Variants in CSMD1 observed in about 807,000 individuals in gnomAD.
CSMD1 encodes the protein CUB and Sushi multiple domains 1.
Under a neutral mutation model 417.5 loss-of-function variants are expected in CSMD1, and 213 were observed. The ratio of observed to expected loss-of-function variants is 0.51; its 90% CI spans 0.46 to 0.57. CSMD1 has a LOEUF of 0.57. CSMD1 is among the 20% of genes least tolerant of loss of function. The pLI is 0.00. For synonymous variants in CSMD1, 2,862 were observed against 1,736.8 expected (o/e 1.65, Z -16.11); for missense variants, 6,923 against 4,529.7 (o/e 1.53, Z -15.17).
intron 5 of CSMD1, among the ~76,000 whole-genome samples, chr8:3,891,467 TA>T (rs1806968720): frequency 1.3e-5 from 2 of 152,176 alleles, no homozygotes; most frequent in Admixed American, 1.3e-4. Flanking sequence ...ATTTCCTGTA[TA>T]CAGGAGTTTG....
At chr8:4,847,910 T>C (rs915062099) in intron 1 of CSMD1, among the ~76,000 whole-genome samples, 14 of 152,224 alleles carry the variant, frequency 9.2e-5, no homozygotes, top group African/African-American at 3.1e-4. Flanking sequence ...AATATTTTCA[T>C]CACTGCAAAA....
intron 1 of CSMD1, among the ~76,000 whole-genome samples, chr8:4,761,068 C>T (rs1208767797): frequency 6.6e-6 from 1 of 151,928 alleles, no homozygotes; most frequent in Non-Finnish European, 1.5e-5. Context: ...TGATTATTAG[C>T]AGAAGTATGT....
At chr8:3,827,779 T>C (rs12682057) in intron 5 of CSMD1, among the ~76,000 whole-genome samples, 49,954 of 152,014 alleles carry the variant, frequency 0.33, 8,917 homozygotes, top group East Asian at 0.61. Flanking sequence ...GAAAAGACTA[T>C]CCTATAAATT....
At chr8:4,199,391 T>G (rs1799521685) in intron 3 of CSMD1, among the ~76,000 whole-genome samples, 1 of 151,966 alleles carries the variant, frequency 6.6e-6, no homozygotes, top group Non-Finnish European at 1.5e-5. Flanking sequence ...TGTGGTGGAG[T>G]GAAAAGAATG....
At chr8:4,072,164 G>C (rs1165954760) in intron 3 of CSMD1, among the ~76,000 whole-genome samples, 2 of 152,128 alleles carry the variant, frequency 1.3e-5, no homozygotes, top group East Asian at 1.9e-4. Flanking sequence ...CAACTTTCTA[G>C]TGCTACTAGT....
chr8:3,283,464 G>C (rs527477751), intron 26 of CSMD1, among the ~76,000 whole-genome samples: 8 of 151,724 alleles, frequency 5.3e-5, no homozygotes, highest in Non-Finnish European at 1.0e-4. Context: ...TAACTAAGTA[G>C]GTCCATTGCT....
rs73659185 is a variant in CSMD1, at chr8:4,659,100, C to T, written c.86-21542G>A. ...CACAAATACATACAAATAAAATAAC[C>T]GATTAAAAATGTAAGTACAAAAATG... On this transcript the variant is annotated intron_variant, in intron 1 of 69. Coordinates refer to ENST00000635120, the MANE Select transcript of CSMD1 (RefSeq NM_033225.6). 2.5e-3 allele frequency among the ~76,000 whole-genome samples: 378 copies of T among 151,746 alleles called. 2 individuals carry two copies. Among genetic ancestry groups the T allele is most frequent in the African/African-American group, 7.9e-3 (326 of 41,408 alleles).
Position 3,905,314 on chromosome 8 carries a change from C to G in CSMD1, c.818+92589G>C, listed in dbSNP as rs368843992. 3.3e-5 allele frequency among the ~76,000 whole-genome samples: 5 copies of G among 152,284 alleles called. No individual in the cohort carries two copies. The East Asian group carries it at 9.6e-4, about 29-fold the overall frequency. On this transcript the variant is annotated intron_variant, in intron 5 of 69. Transcript: ENST00000635120. ...TGAATAACTTAAAGAAGGTTAGTGA[C>G]AGGTACCTGATCTTAAATCCAACAT...
intron 63 of CSMD1, 69 bp downstream of exon 63, chr8:2,957,627 G>A (rs968776602): frequency 3.0e-6 from 3 of 1,014,410 alleles, no homozygotes; most frequent in African/African-American, 3.2e-5. Context: ...TTCCCTTAGT[G>A]GTAAACACGT....
chr8:4,359,456 C>G (rs190903234), intron 3 of CSMD1, among the ~76,000 whole-genome samples: 1 of 152,148 alleles, frequency 6.6e-6, no homozygotes, highest in African/African-American at 2.4e-5. Context: ...TAAAGCTAAG[C>G]CATTCTTTAA....
chr8:3,666,393 A>C (rs1028150109), intron 7 of CSMD1, among the ~76,000 whole-genome samples: 4 of 152,360 alleles, frequency 2.6e-5, no homozygotes, highest in Non-Finnish European at 4.4e-5. Context: ...TAATTGATTA[A>C]AAATTTGAAA....
At chr8:3,987,313 C>G (rs56354451) in intron 5 of CSMD1, among the ~76,000 whole-genome samples, 42,016 of 151,976 alleles carry the variant, frequency 0.28, 5,847 homozygotes, top group South Asian at 0.4. Context: ...CTGAGCAGTG[C>G]TTTCTTTCTC....
intron 10 of CSMD1, among the ~76,000 whole-genome samples, chr8:3,513,351 T>C: frequency 6.6e-6 from 1 of 151,806 alleles, no homozygotes; most frequent in Non-Finnish European, 1.5e-5. Context: ...TTTTTTTTTT[T>C]TTGAGATGGA....
intron 2 of CSMD1, among the ~76,000 whole-genome samples, chr8:4,580,139 G>A (rs538285350): frequency 2.6e-5 from 4 of 152,246 alleles, no homozygotes; most frequent in African/African-American, 7.2e-5. Flanking sequence ...CACCTATGTG[G>A]CCCTGACTGT....
At chr8:3,181,923 G>C (rs928290047) in intron 36 of CSMD1, among the ~76,000 whole-genome samples, 4 of 152,120 alleles carry the variant, frequency 2.6e-5, no homozygotes, top group Admixed American at 1.3e-4. Context: ...AGAAGTTTGA[G>C]ACATTTTGGT....
intron 2 of CSMD1, among the ~76,000 whole-genome samples, chr8:4,628,024 T>C (rs1431663045): frequency 6.6e-6 from 1 of 151,954 alleles, no homozygotes; most frequent in African/African-American, 2.4e-5. Flanking sequence ...ATACTGCCAC[T>C]GTTCCCTGGG....
chr8:3,686,615 A>C (rs938283639), intron 7 of CSMD1, among the ~76,000 whole-genome samples: 2 of 152,212 alleles, frequency 1.3e-5, no homozygotes, highest in Non-Finnish European at 2.9e-5. Flanking sequence ...CAAGCACAGA[A>C]AACTGAAGCC....
chr8:4,433,543 C>G (rs1044881425), intron 2 of CSMD1, among the ~76,000 whole-genome samples: 12 of 152,116 alleles, frequency 7.9e-5, no homozygotes, highest in Admixed American at 3.9e-4. Context: ...GCAAGAAAAA[C>G]CTTGTGGAAG....
intron 5 of CSMD1, among the ~76,000 whole-genome samples, chr8:3,830,638 G>C (rs369710523): frequency 6.6e-6 from 1 of 152,046 alleles, no homozygotes; most frequent in African/African-American, 2.4e-5. Context: ...CTCTGCCATG[G>C]CCAATATCAA....
Sources: gnomAD v4.1 joint callset for allele counts (sites outside exome capture counted in the v4.1 genomes callset) on GRCh38, gnomAD v4.1.1 for gene constraint, MANE v1.5 for transcripts, NCBI Gene and HGNC (gene_info 2026-07-23, HGNC 2026-07-21) for gene names.